Variants in SCUBE3 observed in about 807,000 individuals in gnomAD.
The protein encoded by SCUBE3 is signal peptide, CUB domain and EGF like domain containing 3, also known as signal peptide, CUB and EGF-like domain-containing protein 3.
Under a neutral mutation model 116.8 loss-of-function variants are expected in SCUBE3, and 33 were observed. The observed-to-expected ratio is 0.28, with a 90% CI of 0.21 to 0.38. The LOEUF (loss-of-function observed/expected upper bound fraction) is 0.38. SCUBE3 is among the 10% of genes least tolerant of loss of function. The pLI, the probability that SCUBE3 is intolerant of heterozygous loss-of-function variation, is 1.00. For missense variants in SCUBE3, 1,007 were observed against 1,324.8 expected, an observed-to-expected ratio of 0.76 and a Z score of 3.72; for synonymous variants, 418 against 496.9, an observed-to-expected ratio of 0.84 and a Z score of 2.11.
In SCUBE3 at chr6:35,214,464, G is replaced by C. The variant is rs970404364; in HGVS notation, c.46G>C (p.Val16Leu). 2.0e-6 allele frequency: 3 copies of C among 1,509,462 alleles called. No homozygotes were observed. In the African/African-American group the frequency reaches 4.3e-5, roughly 22 times the overall value. 93.5% of individuals were successfully genotyped at this position (1,509,462 alleles called of 1,614,324 possible). The change falls in exon 1 of 22, where the codon GTC becomes CTC. Residue 16 changes from valine (V) to leucine (L), a missense_variant. Around this residue, in one of 5 missense-constraint regions of SCUBE3, gnomAD observed 94 missense variants for 92.0 expected, o/e 1.02. Coordinates refer to ENST00000274938, the MANE Select transcript of SCUBE3 (RefSeq NM_152753.4). The surrounding 1 kb of genome is among the most constrained non-coding windows in gnomAD (Gnocchi z 6.3). ...VPGLCLLVLL[V>L]HARAAQYSKA... ...CGGGCTCTGCCTGCTTGTCCTGCTG[G>C]TCCACGCCCGCGCCGCCCAGTACAG...
In SCUBE3 at chr6:35,244,698, T is replaced by C. The variant is rs772180566; in HGVS notation, c.2288T>C (p.Ile763Thr). The C allele has an allele frequency of 1.2e-6, 2 of 1,614,172 alleles. No homozygotes were observed. Among genetic ancestry groups the C allele is most frequent in the Non-Finnish European group, 8.5e-7 (1 of 1,179,992 alleles). The change falls in exon 18 of 22, where the codon ATT becomes ACT. Residue 763 changes from isoleucine (I) to threonine (T), a missense_variant. Transcript: ENST00000274938. The surrounding 1 kb of genome is among the most constrained non-coding windows in gnomAD (Gnocchi z 4.3). ...HYYNTSIHRC[I>T]RCAMGSYQPD... ...TACAACACCAGCATCCACCGCTGTATTCGCTGTGCCATGGGCTCCTATCAG... is the reference window on the plus strand; with the variant it reads ...TACAACACCAGCATCCACCGCTGTACTCGCTGTGCCATGGGCTCCTATCAG...
In SCUBE3 at chr6:35,243,634, G is replaced by A. The variant is rs749773869; in HGVS notation, c.1950G>A (p.Glu650=). Residue 650 remains glutamate (E), a synonymous_variant, in exon 16 of 22, where the codon GAG becomes GAA. Transcript: ENST00000274938. The surrounding 1 kb of genome is among the most constrained non-coding windows in gnomAD (Gnocchi z 6.6). ...PQGTYYHGQT[E]QCVPCPAGTF... ...GAACGTATTACCACGGCCAGACGGA[G>A]CAGTGTGTGCCATGCCCAGCGGGCA... 3.1e-6 allele frequency: 5 copies of A among 1,614,090 alleles called. No homozygotes were observed. The highest frequency in any genetic ancestry group is 4.2e-6 in the Non-Finnish European group (5 of 1,179,968).
In SCUBE3 at chr6:35,233,127, G is replaced by A; in HGVS notation, c.596-58G>A. The A allele has an allele frequency of 6.7e-7, 1 of 1,495,830 alleles. No individual in the cohort carries two copies. The highest frequency in any genetic ancestry group is 9.3e-7 in the Non-Finnish European group (1 of 1,076,424). The allele number at this position is 1,495,830 out of a possible 1,614,324, so 92.7% of individuals were successfully genotyped here. A position where few individuals can be genotyped will look rare whatever the true frequency, so the allele number is the denominator to read the frequency against. ...CAAGGGGGCCAGTACCCACATTGTGGAAAACTGTGGATGCAGGGAGGAGCA... is the reference window on the plus strand; with the variant it reads ...CAAGGGGGCCAGTACCCACATTGTGAAAAACTGTGGATGCAGGGAGGAGCA... On this transcript the variant is annotated intron_variant, in intron 5 of 21. Transcript: ENST00000274938. This position sits in a 1 kb window ranked among gnomAD's most constrained non-coding sequence, Gnocchi z 5.7.
At chr6:35,217,222 C>CGGGG (rs1260285538) in intron 1 of SCUBE3, among the ~76,000 whole-genome samples, 1 of 1,070 alleles carries the variant, frequency 9.3e-4, no homozygotes, top group Admixed American at 0.01. Flanking sequence ...GGGTGTTTGG[C>CGGGG]GGGGGGGGGG....
rs1562037855 is a variant in SCUBE3 at position 35,214,381 on chromosome 6, G to A, written c.-38G>A. The A allele has an allele frequency of 7.3e-7, 1 of 1,363,176 alleles. No homozygotes were observed. Among genetic ancestry groups the A allele is most frequent in the Non-Finnish European group, 9.6e-7 (1 of 1,042,222 alleles). 84.4% of individuals were successfully genotyped at this position (1,363,176 alleles called of 1,614,324 possible). A position where few individuals can be genotyped will look rare whatever the true frequency, so the allele number is the denominator to read the frequency against. Reference sequence around the variant, plus strand: ...GGCTTCCGCCCTCCCCTGGCCGCGAGACCGGCCCCGGCGGCTGGGCCGCCA... The same window carrying A: ...GGCTTCCGCCCTCCCCTGGCCGCGAAACCGGCCCCGGCGGCTGGGCCGCCA... On this transcript the variant is annotated 5_prime_UTR_variant, in exon 1 of 22. Transcript: ENST00000274938. The surrounding 1 kb of genome is among the most constrained non-coding windows in gnomAD (Gnocchi z 6.3).
chr6:35,232,700 G>T lies in SCUBE3; in HGVS notation c.470-150G>T. 1.4e-6 allele frequency: 1 copy of T among 716,330 alleles called. No homozygotes were observed. Among genetic ancestry groups the T allele is most frequent in the South Asian group, 1.8e-5 (1 of 57,068 alleles). 44.4% of individuals were successfully genotyped at this position (716,330 alleles called of 1,614,324 possible). A position where few individuals can be genotyped will look rare whatever the true frequency, so the allele number is the denominator to read the frequency against. The stretch of plus-strand genomic sequence containing the variant: ...ACCCAGGTCTGTGGGGAAGACAGGA[G>T]GCCTGGGACAAGGAGAGTCAGTCCC... On this transcript the variant is annotated intron_variant, in intron 4 of 21. Transcript: ENST00000274938. The surrounding 1 kb of genome is among the most constrained non-coding windows in gnomAD (Gnocchi z 4.2).
In SCUBE3 at chr6:35,241,674, G is replaced by A. The variant is rs199942731; in HGVS notation, c.1312+15G>A. ...ATTTTTGCCAGGTACATGGGAGGAG[G>A]GTGCTGGAGAGCTTTGGAGGAGAAA... On this transcript the variant is annotated intron_variant, in intron 11 of 21. Coordinates refer to ENST00000274938, the MANE Select transcript of SCUBE3 (RefSeq NM_152753.4). The surrounding 1 kb of genome is among the most constrained non-coding windows in gnomAD (Gnocchi z 4.1). The A allele has an allele frequency of 6.3e-6, 10 of 1,577,270 alleles. No homozygotes were observed. The African/African-American group carries it at 1.3e-4, about 21-fold the overall frequency.
chr6:35,234,556 T>A (rs758867994), intron 6 of SCUBE3, among the ~76,000 whole-genome samples: 1 of 152,250 alleles, frequency 6.6e-6, no homozygotes, highest in Non-Finnish European at 1.5e-5. Context: ...AGAACATTTT[T>A]AGGCTCTTCT....
intron 20 of SCUBE3, 24 bp from the exon 21 acceptor site, chr6:35,246,182 C>A (rs1784330712): frequency 1.2e-6 from 2 of 1,612,880 alleles, no homozygotes; most frequent in Non-Finnish European, 1.7e-6. Context: ...GCCCCTGAGC[C>A]CCTCACCTTG....
chr6:35,218,781 A>G (rs1169121549), intron 1 of SCUBE3, among the ~76,000 whole-genome samples: 1 of 152,116 alleles, frequency 6.6e-6, no homozygotes, highest in Non-Finnish European at 1.5e-5. Context: ...TGGCCACTTA[A>G]CATTGGACTG....
chr6:35,228,636 G>A lies in SCUBE3; in HGVS notation c.231G>A (p.Glu77=), dbSNP rs1435351412. 1.2e-6 allele frequency: 2 copies of A among 1,614,034 alleles called. No homozygotes were observed. The highest frequency in any genetic ancestry group is 2.2e-5 in the East Asian group (1 of 44,902). The stretch of plus-strand genomic sequence containing the variant: ...CAGACGTGGATGAGTGCGAGCGAGA[G>A]GATAATGCAGGTTGTGTGCATGACT... The part of the protein sequence containing the change: ...HCKDVDECER[E]DNAGCVHDCV... Residue 77 remains glutamate, a synonymous_variant, in exon 3 of 22, where the codon GAG becomes GAA. Transcript: ENST00000274938. The surrounding 1 kb of genome is among the most constrained non-coding windows in gnomAD (Gnocchi z 4.9).
At chr6:35,217,036 C>T (rs1301869616) in intron 1 of SCUBE3, among the ~76,000 whole-genome samples, 1 of 151,556 alleles carries the variant, frequency 6.6e-6, no homozygotes, top group Admixed American at 6.6e-5. Flanking sequence ...TCTGTGAGAA[C>T]TGTATGGAAG....
chr6:35,243,678 G>C lies in SCUBE3; in HGVS notation c.1994G>C (p.Gly665Ala). 6.2e-7 allele frequency: 1 copy of C among 1,613,962 alleles called. No individual in the cohort carries two copies. The highest frequency in any genetic ancestry group is 8.5e-7 in the Non-Finnish European group (1 of 1,179,814). ...GCGGGCACCTTCCAGGAGAGAGAAG[G>C]GCAGCTCTCCTGCGACCTTTGCCCT... ...CPAGTFQEREGQLSCDLCPGS... is the reference protein window; with the variant it reads ...CPAGTFQEREAQLSCDLCPGS... Residue 665 changes from glycine (G) to alanine (A), a missense_variant, in exon 16 of 22, where the codon GGG becomes GCG. Physicochemically the swap from Gly to Ala is moderately conservative, Grantham distance 60. This residue lies in a region of SCUBE3 where 544 missense variants were observed against 638.9 expected (regional missense o/e 0.85). Coordinates refer to ENST00000274938, the MANE Select transcript of SCUBE3 (RefSeq NM_152753.4). This position sits in a 1 kb window ranked among gnomAD's most constrained non-coding sequence, Gnocchi z 6.6.
chr6:35,226,568 C>T (rs1393054692), intron 1 of SCUBE3, among the ~76,000 whole-genome samples: 1 of 149,526 alleles, frequency 6.7e-6, no homozygotes, highest in Non-Finnish European at 1.5e-5. Context: ...CTGCAACCTC[C>T]GCCTCCCTGG....
At chr6:35,247,310 C>T (rs879513951) in intron 21 of SCUBE3, among the ~76,000 whole-genome samples, 6 of 151,820 alleles carry the variant, frequency 4.0e-5, no homozygotes, top group South Asian at 2.1e-4. Context: ...TGGTGGCGGG[C>T]GCCTGCAATC....
intron 1 of SCUBE3, among the ~76,000 whole-genome samples, chr6:35,226,259 A>C (rs1034024231): frequency 3.0e-4 from 46 of 151,954 alleles, no homozygotes; most frequent in Non-Finnish European, 3.2e-4. Context: ...CCCTCACCTT[A>C]TCTCTCATGT....
intron 6 of SCUBE3, among the ~76,000 whole-genome samples, chr6:35,236,894 T>A (rs911850032): frequency 3.9e-5 from 6 of 152,318 alleles, no homozygotes; most frequent in African/African-American, 1.4e-4. Context: ...CTTCACTGTT[T>A]GAACTAATGG....
rs1278617425 is a variant in SCUBE3 at position 35,233,352 on chromosome 6, G to A, written c.712+51G>A. ...GTCCACCTGAGATGGGGTGGGGGTG[G>A]GACCCTTTGGGAACCAGGGAAGTGG... On this transcript the variant is annotated intron_variant, in intron 6 of 21. Transcript: ENST00000274938. The surrounding 1 kb of genome is among the most constrained non-coding windows in gnomAD (Gnocchi z 5.7). 9.3e-7 allele frequency: 1 copy of A among 1,073,318 alleles called. No homozygotes were observed. Among genetic ancestry groups the A allele is most frequent in the Non-Finnish European group, 1.4e-6 (1 of 692,164 alleles). The allele number at this position is 1,073,318 out of a possible 1,614,324, so 66.5% of individuals were successfully genotyped here. A position where few individuals can be genotyped will look rare whatever the true frequency, so the allele number is the denominator to read the frequency against.
chr6:35,237,815 G>C, intron 6 of SCUBE3, 87 bp from the exon 7 acceptor site: 1 of 743,048 alleles, frequency 1.3e-6, no homozygotes. Context: ...CCTTCCCTCG[G>C]GCCTCTGTGG....
Sources: gnomAD v4.1 joint callset for allele counts (sites outside exome capture counted in the v4.1 genomes callset) on GRCh38, gnomAD v4.1.1 for gene constraint, gnomAD v4.1.1 regional missense constraint, Gnocchi (gnomAD v3.1) non-coding constraint, MANE v1.5 for transcripts, NCBI Gene and HGNC (gene_info 2026-07-23, HGNC 2026-07-21) for gene names.